The following DOCK7 variants were observed in gnomAD, a reference collection of about 807,000 sequenced individuals.
The protein encoded by DOCK7 is dedicator of cytokinesis protein 7.
DOCK7 carries 138 observed loss-of-function variants against 271.0 expected under a neutral mutation model. That is an observed-to-expected ratio of 0.51 (90% CI 0.44 to 0.59). The LOEUF is 0.59. Ranked by LOEUF, DOCK7 falls within the 20% of genes least tolerant of loss-of-function variation. DOCK7 has a pLI of 0.00. For missense variants in DOCK7, 2,066 were observed against 2,592.4 expected, an observed-to-expected ratio of 0.80 and a Z score of 4.41; for synonymous variants, 823 against 876.1, an observed-to-expected ratio of 0.94 and a Z score of 1.07.
chr1:62,503,005 A>G (rs1646830165), intron 37 of DOCK7, among the ~76,000 whole-genome samples: 1 of 152,218 alleles, frequency 6.6e-6, no homozygotes, highest in Non-Finnish European at 1.5e-5. Context: ...TCTTAATACC[A>G]TAAGAGATGA....
intron 10 of DOCK7, among the ~76,000 whole-genome samples, chr1:62,633,110 T>C (rs2149628584): frequency 6.6e-6 from 1 of 152,328 alleles, no homozygotes; most frequent in Non-Finnish European, 1.5e-5. Context: ...AATACTTCTA[T>C]TTTGCTAGGA....
chr1:62,538,774 C>T (rs1645431683), intron 27 of DOCK7, among the ~76,000 whole-genome samples: 1 of 152,136 alleles, frequency 6.6e-6, no homozygotes, highest in Non-Finnish European at 1.5e-5. Flanking sequence ...TATTAGTTCC[C>T]TAAAACTAAT....
intron 31 of DOCK7, among the ~76,000 whole-genome samples, chr1:62,527,622 G>C (rs1053332180): frequency 2.6e-5 from 4 of 151,264 alleles, no homozygotes; most frequent in Non-Finnish European, 5.9e-5. Flanking sequence ...GCAAACTATT[G>C]CAAGGACAAA....
chr1:62,495,854 T>C (rs919128177), intron 38 of DOCK7, 173 bp from the exon 39 acceptor site: 1 of 496,274 alleles, frequency 2.0e-6, no homozygotes. Context: ...TGAAGGGTAG[T>C]AAACTTTATA....
Position 62,561,627 on chromosome 1 carries a change from A to G in DOCK7, c.2189T>C (p.Ile730Thr). The part of the protein sequence containing the change: ...FNVEVVAVSS[I>T]HTQDPYLDKF... ...ATTATTAAAACTCACTTGTGTATGG[A>G]TAGACGAAACAGCAACAACTTCAAC... Residue 730 changes from isoleucine (I) to threonine (T), a missense_variant, in exon 19 of 50, where the codon ATC becomes ACC. Around this residue, in one of 2 missense-constraint regions of DOCK7, gnomAD observed 1,414 missense variants for 1,670.4 expected, o/e 0.85. Coordinates refer to ENST00000635253, the MANE Select transcript of DOCK7 (RefSeq NM_001367561.1). 1.3e-6 allele frequency: 2 copies of G among 1,565,720 alleles called. No homozygotes were observed. Among genetic ancestry groups the G allele is most frequent in the East Asian group, 2.3e-5 (1 of 42,820 alleles).
At chr1:62,510,813 CAA>C in intron 33 of DOCK7, 140 bp from the exon 34 acceptor site, 1 of 522,658 alleles carries the variant, frequency 1.9e-6, no homozygotes, top group African/African-American at 2.0e-5. Context: ...AAAAACCTGA[CAA>C]TGGTGCTTTT....
At chr1:62,492,503 G>T (rs1646496322) in intron 41 of DOCK7, 2 of 551,610 alleles carry the variant, frequency 3.6e-6, no homozygotes, top group Non-Finnish European at 6.3e-6. Flanking sequence ...CCCCATGCTG[G>T]TCTTGAACTC....
In DOCK7 at chr1:62,538,037, G is replaced by A; in HGVS notation, c.3325C>T (p.Pro1109Ser). The A allele has an allele frequency of 6.2e-7, 1 of 1,613,842 alleles. No homozygotes were observed. ...AAGGACACCAGAACACTGGGATTCGGTAATGAGTAAAGCTTTGAAGACACC... is the reference window on the plus strand; with the variant it reads ...AAGGACACCAGAACACTGGGATTCGATAATGAGTAAAGCTTTGAAGACACC... ...KQVSSKLYSLPNPSVLVSLRL... is the reference protein window; with the variant it reads ...KQVSSKLYSLSNPSVLVSLRL... The change falls in exon 28 of 50, where the codon CCG becomes TCG. Residue 1109 changes from proline (P) to serine (S), a missense_variant. Pro to Ser is a moderately conservative substitution (Grantham distance 74). Around this residue, in one of 2 missense-constraint regions of DOCK7, gnomAD observed 1,414 missense variants for 1,670.4 expected, o/e 0.85. Coordinates refer to ENST00000635253, the MANE Select transcript of DOCK7 (RefSeq NM_001367561.1).
At chr1:62,504,936 A>G (rs554322488) in intron 36 of DOCK7, among the ~76,000 whole-genome samples, 154 bp from the exon 37 acceptor site, 2 of 152,354 alleles carry the variant, frequency 1.3e-5, no homozygotes, top group South Asian at 4.1e-4. Context: ...TGTGAGACAC[A>G]GAGTCAAACT....
At chr1:62,544,450 C>A (rs191808108) in intron 23 of DOCK7, among the ~76,000 whole-genome samples, 1 of 152,294 alleles carries the variant, frequency 6.6e-6, no homozygotes, top group Non-Finnish European at 1.5e-5. Context: ...AGTCTTATAG[C>A]ACGGGGATCA....
At chr1:62,572,153 C>A (rs1646802932) in intron 18 of DOCK7, among the ~76,000 whole-genome samples, 1 of 152,164 alleles carries the variant, frequency 6.6e-6, no homozygotes, top group African/African-American at 2.4e-5. Context: ...AATACTCAAG[C>A]CCCAACCTAG....
intron 18 of DOCK7, among the ~76,000 whole-genome samples, chr1:62,563,102 C>T (rs948058838): frequency 6.6e-6 from 1 of 152,078 alleles, no homozygotes; most frequent in African/African-American, 2.4e-5. Context: ...AAGGTGCCCC[C>T]CTCCCTCACA....
At position 62,584,955 on chromosome 1, in the gene DOCK7, T is replaced by A. The variant is rs145204658; in HGVS notation, c.1800+1552A>T. 852 of 628,778 alleles carry A rather than the reference T, an allele frequency of 1.4e-3. 7 individuals are homozygous for A. Among genetic ancestry groups the A allele is most frequent in the African/African-American group, 0.013 (688 of 54,068 alleles). 38.9% of individuals were successfully genotyped at this position (628,778 alleles called of 1,614,324 possible). On this transcript the variant is annotated intron_variant, in intron 15 of 49. Coordinates refer to ENST00000635253, the MANE Select transcript of DOCK7 (RefSeq NM_001367561.1). Reference sequence around the variant, plus strand: ...ACAATAAAAAATAGATTATTCTACATATATTACATTTGTCGTATGCTCAAA... The same window carrying A: ...ACAATAAAAAATAGATTATTCTACAAATATTACATTTGTCGTATGCTCAAA...
intron 1 of DOCK7, among the ~76,000 whole-genome samples, chr1:62,669,220 T>C (rs988671908): frequency 2.0e-5 from 3 of 152,234 alleles, no homozygotes; most frequent in Non-Finnish European, 4.4e-5. Context: ...CTTTCTCTTG[T>C]TGAATAAGAA....
chr1:62,575,566 G>C (rs1010818542), intron 18 of DOCK7, among the ~76,000 whole-genome samples: 1 of 152,152 alleles, frequency 6.6e-6, no homozygotes, highest in African/African-American at 2.4e-5. Context: ...TCAGTCAACA[G>C]TAAGCTATTA....
chr1:62,601,028 C>T (rs1650035541), intron 14 of DOCK7: 2 of 1,039,148 alleles, frequency 1.9e-6, no homozygotes, highest in South Asian at 2.6e-5. Flanking sequence ...TCAGATTTCC[C>T]CTAATTGTAT....
At chr1:62,636,112 C>G (rs1039504513) in intron 8 of DOCK7, among the ~76,000 whole-genome samples, 2 of 152,040 alleles carry the variant, frequency 1.3e-5, no homozygotes, top group Non-Finnish European at 2.9e-5. Context: ...GTTAGCTGGG[C>G]GTAGTGGCGG....
intron 40 of DOCK7, among the ~76,000 whole-genome samples, chr1:62,493,223 TATC>T (rs2149295853): frequency 6.6e-6 from 1 of 152,326 alleles, no homozygotes; most frequent in African/African-American, 2.4e-5. Context: ...TCTCTTGACT[TATC>T]TAATGTACAC....
At chr1:62,647,663 G>A (rs1293651560) in intron 7 of DOCK7, 28 bp downstream of exon 7, 3 of 1,487,402 alleles carry the variant, frequency 2.0e-6, no homozygotes, top group Admixed American at 2.1e-5. Flanking sequence ...GAAAATAAAA[G>A]TTGTAAGTAA....
Sources: gnomAD v4.1 joint callset for allele counts (sites outside exome capture counted in the v4.1 genomes callset) on GRCh38, gnomAD v4.1.1 for gene constraint, gnomAD v4.1.1 regional missense constraint, MANE v1.5 for transcripts, NCBI Gene and HGNC (gene_info 2026-07-23, HGNC 2026-07-21) for gene names.